Variants in MBD5 observed in about 807,000 individuals in gnomAD.
MBD5 encodes methyl-CpG-binding domain protein 5.
Under a neutral mutation model 117.3 loss-of-function variants are expected in MBD5, and 13 were observed. The observed-to-expected ratio is 0.11, with a 90% CI of 0.07 to 0.18. The LOEUF (loss-of-function observed/expected upper bound fraction) is 0.18, where lower values mean the gene tolerates loss of function less well. Ranked by LOEUF, MBD5 falls within the 10% of genes least tolerant of loss-of-function variation. The pLI is 1.00. For missense variants in MBD5, 1,879 were observed against 2,093.8 expected, an observed-to-expected ratio of 0.90 and a Z score of 2.00; for synonymous variants, 727 against 766.4, an observed-to-expected ratio of 0.95 and a Z score of 0.85.
At chr2:148,496,756 TGAA>T (rs1335615927) in intron 11 of MBD5, among the ~76,000 whole-genome samples, 1 of 152,070 alleles carries the variant, frequency 6.6e-6, no homozygotes, top group Non-Finnish European at 1.5e-5. Context: ...CTATCCAAAG[TGAA>T]GAAGAAAGGA....
chr2:148,353,978 C>T (rs190898476), intron 4 of MBD5, among the ~76,000 whole-genome samples: 1 of 152,138 alleles, frequency 6.6e-6, no homozygotes, highest in Admixed American at 6.6e-5. Context: ...TGTGATTGCC[C>T]TCATCAGATG....
At chr2:148,341,898 G>A (rs1247973329) in intron 3 of MBD5, among the ~76,000 whole-genome samples, 1 of 151,904 alleles carries the variant, frequency 6.6e-6, no homozygotes, top group Non-Finnish European at 1.5e-5. Context: ...AAAGGATCTA[G>A]CATTGTGTCT....
intron 1 of MBD5, among the ~76,000 whole-genome samples, chr2:148,118,435 A>AAAAAAAAAT (rs1021339753): frequency 1.3e-5 from 2 of 148,490 alleles, no homozygotes; most frequent in African/African-American, 5.0e-5. Flanking sequence ...CATAAAAAAA[A>AAAAAAAAAT]ATATATATAT....
chr2:148,299,939 T>C (rs960008702), intron 3 of MBD5, among the ~76,000 whole-genome samples: 1 of 152,250 alleles, frequency 6.6e-6, no homozygotes, highest in Non-Finnish European at 1.5e-5. Flanking sequence ...ATCTATTTTA[T>C]GTGTCAGTGC....
In MBD5 at chr2:148,513,253, C is replaced by T. The variant is rs541545325; in HGVS notation, c.*312C>T. ...AGTCCAAATGTTTCTGAAGAATTTTCAATGTTGTATATAGAAAATACAGAA... is the reference window on the plus strand; with the variant it reads ...AGTCCAAATGTTTCTGAAGAATTTTTAATGTTGTATATAGAAAATACAGAA... On this transcript the variant is annotated 3_prime_UTR_variant, in exon 14 of 14. Coordinates refer to ENST00000642680, the MANE Select transcript of MBD5 (RefSeq NM_001378120.1). The T allele has an allele frequency of 2.0e-5, 7 of 341,820 alleles. No individual in the cohort carries two copies. The highest frequency in any genetic ancestry group is 2.2e-5 in the Non-Finnish European group (4 of 182,746). 21.2% of individuals were successfully genotyped at this position (341,820 alleles called of 1,614,324 possible).
intron 3 of MBD5, among the ~76,000 whole-genome samples, chr2:148,292,010 G>A (rs767734018): frequency 5.9e-5 from 9 of 152,190 alleles, no homozygotes; most frequent in Admixed American, 2.6e-4. Flanking sequence ...CTCAATAATC[G>A]TATGCAAAAG....
At chr2:148,364,757 A>C (rs1703646531) in intron 4 of MBD5, among the ~76,000 whole-genome samples, 1 of 152,214 alleles carries the variant, frequency 6.6e-6, no homozygotes, top group Admixed American at 6.5e-5. Flanking sequence ...GGCTTTACAT[A>C]ATGGTAAAGG....
intron 4 of MBD5, among the ~76,000 whole-genome samples, chr2:148,404,652 G>A (rs1315347105): frequency 6.6e-6 from 1 of 152,088 alleles, no homozygotes; most frequent in East Asian, 1.9e-4. Flanking sequence ...GACGTTCTAG[G>A]GATCACTTCA....
intron 1 of MBD5, among the ~76,000 whole-genome samples, chr2:148,052,373 G>A (rs756420187): frequency 6.6e-6 from 1 of 151,838 alleles, no homozygotes; most frequent in African/African-American, 2.4e-5. Context: ...ACCACACCCA[G>A]CTAATTGTGT....
chr2:148,383,325 C>A (rs897706509), intron 4 of MBD5, among the ~76,000 whole-genome samples: 2 of 152,178 alleles, frequency 1.3e-5, no homozygotes, highest in Non-Finnish European at 2.9e-5. Context: ...ATACTATAAA[C>A]ACTTCTACGC....
At position 148,513,115 on chromosome 2, in the gene MBD5, A is replaced by G; in HGVS notation, c.*174A>G. 2 of 640,976 alleles carry G rather than the reference A, an allele frequency of 3.1e-6. No individual in the cohort carries two copies. The highest frequency in any genetic ancestry group is 5.5e-6 in the Non-Finnish European group (2 of 364,540). The allele number at this position is 640,976 out of a possible 1,614,324, so 39.7% of individuals were successfully genotyped here. On this transcript the variant is annotated 3_prime_UTR_variant, in exon 14 of 14. Coordinates refer to ENST00000642680, the MANE Select transcript of MBD5 (RefSeq NM_001378120.1). Reference sequence around the variant, plus strand: ...TACAAAATTTTTTTGATCAGGAAGGATAATGAATGCTGGAAAAGCCAATCA... The same window carrying G: ...TACAAAATTTTTTTGATCAGGAAGGGTAATGAATGCTGGAAAAGCCAATCA...
intron 1 of MBD5, among the ~76,000 whole-genome samples, chr2:148,162,758 A>G (rs1384886018): frequency 6.6e-6 from 1 of 152,206 alleles, no homozygotes; most frequent in East Asian, 1.9e-4. Flanking sequence ...TTCTAACAAA[A>G]AGTTTATGGA....
chr2:148,458,318 G>A lies in MBD5; in HGVS notation c.-441G>A. 2.4e-6 allele frequency: 1 copy of A among 413,168 alleles called. No homozygotes were observed. Among genetic ancestry groups the A allele is most frequent in the Admixed American group, 4.0e-5 (1 of 25,088 alleles). 25.6% of individuals were successfully genotyped at this position (413,168 alleles called of 1,614,324 possible). A position where few individuals can be genotyped will look rare whatever the true frequency, so the allele number is the denominator to read the frequency against. On this transcript the variant is annotated 5_prime_UTR_variant, in exon 5 of 14. Transcript: ENST00000642680. ...TAAAGAATGTGGCCTATAAAGGCGG[G>A]TACCTGGAAATATTAACCGACTCAC...
Position 148,022,098 on chromosome 2 carries a change from C to T in MBD5, c.-925+414C>T, listed in dbSNP as rs180769129. Among the ~76,000 whole-genome samples the T allele has an allele frequency of 2.1e-4, 32 of 152,302 alleles. No individual in the cohort carries two copies. In the East Asian group the frequency reaches 4.1e-3, roughly 19 times the overall value. On this transcript the variant is annotated intron_variant, in intron 1 of 13. Coordinates refer to ENST00000642680, the MANE Select transcript of MBD5 (RefSeq NM_001378120.1). The stretch of plus-strand genomic sequence containing the variant: ...AGGAAAAGCTCCACTGCATTTGTTT[C>T]TGAGTGGGAAAATGTCGGGATCTGG...
chr2:148,285,311 A>G (rs913383409), intron 3 of MBD5, among the ~76,000 whole-genome samples: 11 of 152,324 alleles, frequency 7.2e-5, no homozygotes, highest in Admixed American at 3.9e-4. Context: ...CTTGTTCACA[A>G]GTTCCAGTGC....
chr2:148,021,451 TTGC>T lies in MBD5; in HGVS notation c.-1149_-1147del. The T allele has an allele frequency of 8.8e-6, 5 of 567,614 alleles. No homozygotes were observed. The highest frequency in any genetic ancestry group is 1.4e-5 in the Non-Finnish European group (4 of 293,998). The allele number at this position is 567,614 out of a possible 1,614,324, so 35.2% of individuals were successfully genotyped here. A position where few individuals can be genotyped will look rare whatever the true frequency, so the allele number is the denominator to read the frequency against. On this transcript the variant is annotated 5_prime_UTR_variant, in exon 1 of 14. Transcript: ENST00000642680. ...AAAGCCTCTTAGCAACACAGACCCT[TTGC>T]TGCTGCTGTTGCTGCTGCTGCTGCT...
chr2:148,218,776 G>A (rs1365159055), intron 2 of MBD5, among the ~76,000 whole-genome samples: 1 of 152,130 alleles, frequency 6.6e-6, no homozygotes, highest in Non-Finnish European at 1.5e-5. Flanking sequence ...ATAAAAGTAA[G>A]ATATGAAAGA....
chr2:148,116,211 C>CTT (rs397812693), intron 1 of MBD5, among the ~76,000 whole-genome samples: 7 of 138,526 alleles, frequency 5.1e-5, no homozygotes, highest in East Asian at 2.1e-4. Context: ...ACTGTTCCTT[C>CTT]CCCCCACCAA....
chr2:148,382,070 C>G (rs1371168675), intron 4 of MBD5, among the ~76,000 whole-genome samples: 1 of 152,102 alleles, frequency 6.6e-6, no homozygotes, highest in Admixed American at 6.6e-5. Context: ...AAATAACCAG[C>G]TAACATCATA....
Sources: gnomAD v4.1 joint callset for allele counts (sites outside exome capture counted in the v4.1 genomes callset) on GRCh38, gnomAD v4.1.1 for gene constraint, MANE v1.5 for transcripts, NCBI Gene and HGNC (gene_info 2026-07-23, HGNC 2026-07-21) for gene names.